The following ZNF804A variants were observed in gnomAD, a reference collection of about 807,000 sequenced individuals.
ZNF804A encodes zinc finger protein 804A.
A neutral mutation model predicts 16.5 loss-of-function variants in ZNF804A; 2 were observed. That is an observed-to-expected ratio of 0.12 (90% CI 0.05 to 0.38). The LOEUF (loss-of-function observed/expected upper bound fraction) is 0.38, where lower values mean the gene tolerates loss of function less well. Ranked by LOEUF, ZNF804A falls within the 10% of genes least tolerant of loss-of-function variation. The pLI is 0.99. For synonymous variants in ZNF804A, 534 were observed against 489.6 expected, an observed-to-expected ratio of 1.09 and a Z score of -1.20; for missense variants, 1,473 against 1,390.7, an observed-to-expected ratio of 1.06 and a Z score of -0.94.
chr2:184,932,629 A>G (rs1559006923), intron 2 of ZNF804A, among the ~76,000 whole-genome samples: 1 of 152,176 alleles, frequency 6.6e-6, no homozygotes, highest in Non-Finnish European at 1.5e-5. Flanking sequence ...TTATATCACT[A>G]GTATAAGTGA....
At chr2:184,911,239 T>G (rs1244300934) in intron 2 of ZNF804A, among the ~76,000 whole-genome samples, 1 of 151,808 alleles carries the variant, frequency 6.6e-6, no homozygotes, top group Admixed American at 6.6e-5. Flanking sequence ...CCTTTCCCCA[T>G]TGTTTATTTT....
chr2:184,747,508 C>T (rs143662614), intron 1 of ZNF804A, among the ~76,000 whole-genome samples: 3,010 of 150,420 alleles, frequency 0.02, 43 homozygotes, highest in Non-Finnish European at 0.033. Flanking sequence ...TTGATCACAC[C>T]GTTATGTATT....
intron 1 of ZNF804A, among the ~76,000 whole-genome samples, chr2:184,709,354 A>T (rs1011348919): frequency 1.3e-5 from 2 of 152,132 alleles, no homozygotes; most frequent in Non-Finnish European, 2.9e-5. Context: ...TATTGAAAAT[A>T]TATTTGAATT....
intron 1 of ZNF804A, among the ~76,000 whole-genome samples, chr2:184,819,412 C>A (rs1395527734): frequency 6.6e-6 from 1 of 151,758 alleles, no homozygotes; most frequent in Non-Finnish European, 1.5e-5. Context: ...TGGGACACAG[C>A]TAAAGTAGTG....
chr2:184,606,560 G>T (rs1691149804), intron 1 of ZNF804A, among the ~76,000 whole-genome samples: 1 of 152,252 alleles, frequency 6.6e-6, no homozygotes, highest in Admixed American at 6.5e-5. Flanking sequence ...TGTAGGTATT[G>T]CTATGAAGGT....
chr2:184,830,690 C>T (rs1171414965), intron 1 of ZNF804A, among the ~76,000 whole-genome samples: 8 of 152,060 alleles, frequency 5.3e-5, no homozygotes, highest in Admixed American at 5.3e-4. Flanking sequence ...TGTTAGTACA[C>T]AAGTGAGATA....
chr2:184,722,965 T>C (rs1282339045), intron 1 of ZNF804A, among the ~76,000 whole-genome samples: 1 of 151,914 alleles, frequency 6.6e-6, no homozygotes, highest in Non-Finnish European at 1.5e-5. Flanking sequence ...GCCTAGGCTA[T>C]TAAGGTAATC....
intron 1 of ZNF804A, among the ~76,000 whole-genome samples, chr2:184,744,941 A>G (rs1693766086): frequency 6.6e-6 from 1 of 151,818 alleles, no homozygotes; most frequent in Admixed American, 6.6e-5. Context: ...ATTTCAGACA[A>G]TAGGGCCAGA....
At chr2:184,867,465 T>C (rs1695892803) in intron 2 of ZNF804A, among the ~76,000 whole-genome samples, 1 of 152,054 alleles carries the variant, frequency 6.6e-6, no homozygotes, top group South Asian at 2.1e-4. Context: ...AATGAACCAA[T>C]TGTGTGTACT....
intron 1 of ZNF804A, among the ~76,000 whole-genome samples, chr2:184,609,643 CAT>C (rs1051702419): frequency 1.3e-5 from 2 of 152,216 alleles, no homozygotes; most frequent in Non-Finnish European, 2.9e-5. Flanking sequence ...GTGGTCTTCT[CAT>C]AGCATTCTCA....
intron 1 of ZNF804A, among the ~76,000 whole-genome samples, chr2:184,808,286 A>T (rs1001558140): frequency 1.3e-5 from 2 of 151,568 alleles, no homozygotes; most frequent in East Asian, 3.9e-4. Flanking sequence ...TATTTTTACA[A>T]TCATATATGT....
At chr2:184,669,747 C>T (rs1384900812) in intron 1 of ZNF804A, among the ~76,000 whole-genome samples, 1 of 101,510 alleles carries the variant, frequency 9.9e-6, no homozygotes, top group Non-Finnish European at 2.0e-5. Flanking sequence ...TGCCACATCT[C>T]TCTCTCACAC....
chr2:184,599,662 G>C (rs1002217311), intron 1 of ZNF804A, among the ~76,000 whole-genome samples: 1 of 152,154 alleles, frequency 6.6e-6, no homozygotes, highest in Non-Finnish European at 1.5e-5. Context: ...AAGTGGTGGC[G>C]GATATGTGTG....
intron 1 of ZNF804A, among the ~76,000 whole-genome samples, chr2:184,611,096 G>A (rs547582869): frequency 6.6e-6 from 1 of 152,228 alleles, no homozygotes; most frequent in South Asian, 2.1e-4. Context: ...TGTCTGGTGA[G>A]AGCTTGCTTC....
At chr2:184,635,661 T>C (rs945035528) in intron 1 of ZNF804A, among the ~76,000 whole-genome samples, 2 of 152,164 alleles carry the variant, frequency 1.3e-5, no homozygotes, top group Non-Finnish European at 2.9e-5. Context: ...TAATACTTTA[T>C]ATATCCTGTT....
chr2:184,793,230 A>C (rs903507780), intron 1 of ZNF804A, among the ~76,000 whole-genome samples: 3 of 152,094 alleles, frequency 2.0e-5, no homozygotes, highest in African/African-American at 7.2e-5. Flanking sequence ...CACAGCAATG[A>C]GCATATGAGT....
chr2:184,742,090 C>T (rs969490805), intron 1 of ZNF804A, among the ~76,000 whole-genome samples: 2 of 151,668 alleles, frequency 1.3e-5, no homozygotes, highest in Non-Finnish European at 2.9e-5. Context: ...TATAAAGTAG[C>T]CCTGTTGGTG....
intron 1 of ZNF804A, among the ~76,000 whole-genome samples, chr2:184,653,301 A>G (rs1444148484): frequency 1.3e-5 from 2 of 152,274 alleles, no homozygotes; most frequent in East Asian, 1.9e-4. Context: ...AAATGTCTAC[A>G]TTTTACTTCC....
chr2:184,684,896 T>C (rs531954069), intron 1 of ZNF804A, among the ~76,000 whole-genome samples: 1 of 152,312 alleles, frequency 6.6e-6, no homozygotes, highest in East Asian at 1.9e-4. Context: ...TTTTATTCTC[T>C]TTTATGGCTG....
Sources: allele counts gnomAD v4.1 joint callset (sites outside exome capture counted in the v4.1 genomes callset), GRCh38; gene constraint gnomAD v4.1.1; transcripts MANE v1.5; gene names NCBI Gene and HGNC (gene_info 2026-07-23, HGNC 2026-07-21).